PELI2: variants seen among roughly 807,000 people sequenced by gnomAD.
PELI2 encodes the protein E3 ubiquitin-protein ligase pellino homolog 2.
PELI2 carries 23 observed loss-of-function variants against 42.3 expected under a neutral mutation model. The ratio of observed to expected loss-of-function variants is 0.54; its 90% CI spans 0.39 to 0.77. The LOEUF is 0.77. PELI2 is among the 30% of genes least tolerant of loss of function. The pLI, the probability that PELI2 is intolerant of heterozygous loss-of-function variation, is 0.00. For missense variants in PELI2, 463 were observed against 553.2 expected, an observed-to-expected ratio of 0.84 and a Z score of 1.64; for synonymous variants, 245 against 212.2, an observed-to-expected ratio of 1.15 and a Z score of -1.34.
chr14:56,129,753 C>T (rs1258712094), intron 1 of PELI2, among the ~76,000 whole-genome samples: 2 of 152,216 alleles, frequency 1.3e-5, no homozygotes, highest in South Asian at 4.1e-4. Flanking sequence ...TCTTGGCTGT[C>T]TCTTGCTGAG....
At chr14:56,234,560 T>C (rs1887713435) in intron 2 of PELI2, among the ~76,000 whole-genome samples, 1 of 151,936 alleles carries the variant, frequency 6.6e-6, no homozygotes, top group Non-Finnish European at 1.5e-5. Flanking sequence ...ATGAGAACAC[T>C]TGGACACAGG....
intron 1 of PELI2, among the ~76,000 whole-genome samples, chr14:56,128,485 C>T (rs562435696): frequency 1.1e-4 from 17 of 152,160 alleles, no homozygotes; most frequent in Admixed American, 2.6e-4. Flanking sequence ...CCTTGTGGCT[C>T]TCTTGCTTGA....
At chr14:56,259,510 G>T (rs1888642056) in intron 2 of PELI2, among the ~76,000 whole-genome samples, 1 of 152,076 alleles carries the variant, frequency 6.6e-6, no homozygotes, top group South Asian at 2.1e-4. Context: ...TCAAAAGTTA[G>T]TCAGTGTAAT....
chr14:56,132,325 T>C (rs1012272276), intron 1 of PELI2, among the ~76,000 whole-genome samples: 16 of 152,230 alleles, frequency 1.1e-4, no homozygotes, highest in Non-Finnish European at 5.9e-5. Flanking sequence ...ATCAGGACTT[T>C]ACAAGACTGG....
intron 1 of PELI2, among the ~76,000 whole-genome samples, chr14:56,135,575 A>G (rs754200445): frequency 3.3e-5 from 5 of 152,236 alleles, no homozygotes; most frequent in Non-Finnish European, 7.3e-5. Context: ...AAGAGGTGAC[A>G]TCTTTTGGCT....
chr14:56,241,315 G>A lies in PELI2; in HGVS notation c.208-38361G>A, dbSNP rs538088738. On this transcript the variant is annotated intron_variant, in intron 2 of 5. Coordinates refer to ENST00000267460, the MANE Select transcript of PELI2 (RefSeq NM_021255.3). ...AATCCCTCAAAAAGTAGAACAATTG[G>A]GGGGGAAAAAGAATATTTGGGAAAT... Among the ~76,000 whole-genome samples the A allele has an allele frequency of 8.5e-5, 13 of 152,240 alleles. No homozygotes were observed. The South Asian group carries it at 2.3e-3, about 27-fold the overall frequency.
intron 5 of PELI2, among the ~76,000 whole-genome samples, chr14:56,293,948 C>T (rs1029950505): frequency 2.0e-5 from 3 of 152,144 alleles, no homozygotes; most frequent in African/African-American, 7.2e-5. Context: ...CAGTTTTATC[C>T]TGCAATGAGG....
intron 2 of PELI2, among the ~76,000 whole-genome samples, chr14:56,206,272 A>G (rs1012327296): frequency 5.9e-5 from 9 of 152,190 alleles, no homozygotes; most frequent in Non-Finnish European, 1.3e-4. Flanking sequence ...AATCAGAAAA[A>G]CACAAAAGTT....
chr14:56,166,799 A>C (rs745856543), intron 1 of PELI2, among the ~76,000 whole-genome samples: 1 of 141,574 alleles, frequency 7.1e-6, no homozygotes, highest in Non-Finnish European at 1.5e-5. Context: ...CTTTTTTTTT[A>C]TTTCTTGAGA....
chr14:56,188,518 C>T lies in PELI2; in HGVS notation c.207+10054C>T, dbSNP rs149183831. 1.4e-3 allele frequency among the ~76,000 whole-genome samples: 210 copies of T among 152,272 alleles called. 1 individual carries two copies. Among genetic ancestry groups the T allele is most frequent in the Non-Finnish European group, 1.8e-3 (120 of 68,014 alleles). On this transcript the variant is annotated intron_variant, in intron 2 of 5. Transcript: ENST00000267460. ...TTGAAAACTTGGTTTTTAGCCACTG[C>T]ATAGTATTTCATTATGTTAATGTAT...
rs191071333 is a variant in PELI2, at chr14:56,123,630, T to C, written c.77+4893T>C. Among the ~76,000 whole-genome samples the C allele has an allele frequency of 2.6e-5, 4 of 152,362 alleles. No individual in the cohort carries two copies. The East Asian group carries it at 7.7e-4, about 29-fold the overall frequency. On this transcript the variant is annotated intron_variant, in intron 1 of 5. Coordinates refer to ENST00000267460, the MANE Select transcript of PELI2 (RefSeq NM_021255.3). ...TTCTCAGATTTATTTATTTCTCTCT[T>C]TAACACACCAAGACTGAAAGCTTCA...
chr14:56,134,044 A>T (rs1883594041), intron 1 of PELI2, among the ~76,000 whole-genome samples: 1 of 152,214 alleles, frequency 6.6e-6, no homozygotes, highest in Non-Finnish European at 1.5e-5. Context: ...GTTTATTTAT[A>T]TTTCTTTATA....
chr14:56,199,566 T>G (rs1240487352), intron 2 of PELI2, among the ~76,000 whole-genome samples: 1 of 152,252 alleles, frequency 6.6e-6, no homozygotes, highest in Non-Finnish European at 1.5e-5. Flanking sequence ...CTTGTTGATT[T>G]CTCAGGGTGT....
chr14:56,295,577 G>A (rs956247114), intron 5 of PELI2, among the ~76,000 whole-genome samples: 1 of 152,242 alleles, frequency 6.6e-6, no homozygotes, highest in African/African-American at 2.4e-5. Flanking sequence ...CAGAGTAATA[G>A]TAGCAGGTAT....
At chr14:56,128,787 T>A (rs1883375674) in intron 1 of PELI2, among the ~76,000 whole-genome samples, 2 of 151,948 alleles carry the variant, frequency 1.3e-5, no homozygotes, top group Admixed American at 1.3e-4. Flanking sequence ...TTCATGGAGC[T>A]TACAGTCCAT....
rs1887048164 is a variant in PELI2, at chr14:56,219,575, G to A, written c.207+41111G>A. On this transcript the variant is annotated intron_variant, in intron 2 of 5. Transcript: ENST00000267460. The surrounding 1 kb of genome is among the most constrained non-coding windows in gnomAD (Gnocchi z 4.1). The stretch of plus-strand genomic sequence containing the variant: ...CATCCACAAGGAAGTCAAAGAAAGG[G>A]TCTCTGAGCTGCCACACACTCATAA... 6.6e-6 allele frequency among the ~76,000 whole-genome samples: 1 copy of A among 152,076 alleles called. No homozygotes were observed. Among genetic ancestry groups the A allele is most frequent in the Non-Finnish European group, 1.5e-5 (1 of 68,014 alleles).
intron 1 of PELI2, among the ~76,000 whole-genome samples, chr14:56,139,070 A>G (rs1292387173): frequency 6.6e-6 from 1 of 152,220 alleles, no homozygotes; most frequent in African/African-American, 2.4e-5. Context: ...AGGGGGACTC[A>G]CTGAATAAGC....
At chr14:56,239,261 G>C (rs1887895204) in intron 2 of PELI2, among the ~76,000 whole-genome samples, 1 of 152,190 alleles carries the variant, frequency 6.6e-6, no homozygotes, top group African/African-American at 2.4e-5. Flanking sequence ...AGTCTAGAAA[G>C]TCTAGAAAGA....
Position 56,227,246 on chromosome 14 carries a change from C to T in PELI2, c.207+48782C>T, listed in dbSNP as rs544246077. 2.6e-5 allele frequency among the ~76,000 whole-genome samples: 4 copies of T among 152,222 alleles called. No individual in the cohort carries two copies. In the South Asian group the frequency reaches 8.3e-4, roughly 32 times the overall value. On this transcript the variant is annotated intron_variant, in intron 2 of 5. Transcript: ENST00000267460. ...AGCTGGGATGACTAGGTTTGGATGG[C>T]AGAGCTTGAGAGGGATGAGATGGGG... is the stretch of plus-strand genomic sequence containing the variant.
Sources: gnomAD v4.1 joint callset for allele counts (sites outside exome capture counted in the v4.1 genomes callset) on GRCh38, gnomAD v4.1.1 for gene constraint, Gnocchi (gnomAD v3.1) non-coding constraint, MANE v1.5 for transcripts, NCBI Gene and HGNC (gene_info 2026-07-23, HGNC 2026-07-21) for gene names.